Variants in ACAD10 observed in about 807,000 individuals in gnomAD.
ACAD10 encodes the protein ACAD-10.
ACAD10 carries 112 observed loss-of-function variants against 116.8 expected under a neutral mutation model. The ratio of observed to expected loss-of-function variants is 0.96; its 90% CI spans 0.82 to 1.12. The LOEUF (loss-of-function observed/expected upper bound fraction) is 1.12, where lower values mean the gene tolerates loss of function less well. ACAD10 is among the 50% of genes most tolerant of loss of function. The pLI is 0.00. For missense variants in ACAD10, 1,259 were observed against 1,350.2 expected (o/e 0.93, Z 1.06); for synonymous variants, 486 against 510.6 (o/e 0.95, Z 0.65).
In ACAD10 at chr12:111,744,906, T is replaced by C. The variant is rs34486571; in HGVS notation, c.1978T>C (p.Ser660Pro). ...TCTGGTTATCTCTCCAGAGAGCCTC[T>C]CTCCACCTGTCAGAGAGCTGTATCA... ...GGLVISPESL[S>P]PPVRELYHRL... Residue 660 changes from serine to proline, a missense_variant, in exon 13 of 21, where the codon TCT becomes CCT. Transcript: ENST00000313698. 222 of 1,613,980 alleles carry C rather than the reference T, an allele frequency of 1.4e-4. No homozygotes were observed. Among genetic ancestry groups the C allele is most frequent in the Non-Finnish European group, 1.8e-4 (213 of 1,180,036 alleles).
At chr12:111,723,289 T>C (rs1889087128) in intron 8 of ACAD10, among the ~76,000 whole-genome samples, 1 of 118,890 alleles carries the variant, frequency 8.4e-6, no homozygotes. Context: ...GCCCCTCACC[T>C]CCCAGACGGG....
intron 13 of ACAD10, 76 bp downstream of exon 13, chr12:111,745,119 A>G: frequency 1.4e-6 from 2 of 1,480,338 alleles, no homozygotes; most frequent in Non-Finnish European, 1.8e-6. Context: ...GCTCACCTGA[A>G]CCATCCCAGG....
At chr12:111,727,823 G>A in intron 8 of ACAD10, 139 bp from the exon 9 acceptor site, 1 of 791,526 alleles carries the variant, frequency 1.3e-6, no homozygotes, top group Admixed American at 2.5e-5. Flanking sequence ...GAAAAAGGAA[G>A]TATCCAGTGC....
chr12:111,752,572 G>A (rs1301542106), intron 18 of ACAD10, among the ~76,000 whole-genome samples: 1 of 151,956 alleles, frequency 6.6e-6, no homozygotes, highest in Admixed American at 6.6e-5. Flanking sequence ...TCGCGCCACT[G>A]CACTCCAGCC....
At chr12:111,704,259 A>G (rs1888433507) in intron 3 of ACAD10, among the ~76,000 whole-genome samples, 1 of 151,548 alleles carries the variant, frequency 6.6e-6, no homozygotes, top group African/African-American at 2.4e-5. Flanking sequence ...CTCCTGCCTC[A>G]GCCTCCCGAG....
intron 13 of ACAD10, chr12:111,745,411 G>A (rs1889864997): frequency 3.2e-6 from 1 of 309,736 alleles, no homozygotes; most frequent in East Asian, 5.3e-5. Flanking sequence ...CACAGCTAGA[G>A]GGCCAGATCC....
At chr12:111,730,674 C>T (rs1889360345) in intron 10 of ACAD10, among the ~76,000 whole-genome samples, 1 of 152,096 alleles carries the variant, frequency 6.6e-6, no homozygotes, top group Admixed American at 6.6e-5. Flanking sequence ...TTTGGCTTGT[C>T]TTCTTGCCCA....
intron 3 of ACAD10, among the ~76,000 whole-genome samples, chr12:111,704,688 C>CTTTCTTTT (rs554829011): frequency 1.6e-5 from 2 of 126,154 alleles, no homozygotes; most frequent in Admixed American, 8.6e-5. Context: ...TTCTTTCTTT[C>CTTTCTTTT]TTTTTTTTTT....
chr12:111,705,557 T>C (rs1194882753), intron 3 of ACAD10, among the ~76,000 whole-genome samples, 181 bp from the exon 4 acceptor site: 1 of 152,156 alleles, frequency 6.6e-6, no homozygotes, highest in African/African-American at 2.4e-5. Context: ...TTAAAAACCT[T>C]ATATGAGAGT....
rs1889981351 is a variant in ACAD10 at position 111,748,494 on chromosome 12, G to A, written c.2644+19G>A. On this transcript the variant is annotated intron_variant, in intron 17 of 20. Transcript: ENST00000313698. The stretch of plus-strand genomic sequence containing the variant: ...GCACCAGGTGAGACCTCCAGGGGCG[G>A]GTCACCCCTGGGTGTGGGTCTGGTC... 5.0e-6 allele frequency: 8 copies of A among 1,612,040 alleles called. No homozygotes were observed. The East Asian group carries it at 1.8e-4, about 36-fold the overall frequency.
rs1172196860 is a variant in ACAD10, at chr12:111,689,497, G to A, written c.-13-3200G>A. On this transcript the variant is annotated intron_variant, in intron 1 of 20. Coordinates refer to ENST00000313698, the MANE Select transcript of ACAD10 (RefSeq NM_025247.6). ...AGTGATTCTCATGTCCCAGCCTCCCGAGTATCTGGGATTACAGGTGTGCGC... is the reference window on the plus strand; with the variant it reads ...AGTGATTCTCATGTCCCAGCCTCCCAAGTATCTGGGATTACAGGTGTGCGC... Among the ~76,000 whole-genome samples the A allele has an allele frequency of 2.6e-5, 4 of 151,728 alleles. No individual in the cohort carries two copies. The East Asian group carries it at 7.8e-4, about 29-fold the overall frequency.
chr12:111,711,226 A>G (rs955680994), intron 5 of ACAD10, among the ~76,000 whole-genome samples: 2 of 152,184 alleles, frequency 1.3e-5, no homozygotes, highest in Non-Finnish European at 2.9e-5. Context: ...GTTGAGACGG[A>G]GTCTCATTCT....
intron 4 of ACAD10, 133 bp downstream of exon 4, chr12:111,706,065 T>A: frequency 1.1e-6 from 1 of 886,988 alleles, no homozygotes; most frequent in Non-Finnish European, 1.7e-6. Context: ...AAGTTAGGTT[T>A]AAATGCAATA....
chr12:111,739,304 G>T (rs1315610273), intron 12 of ACAD10, among the ~76,000 whole-genome samples: 1 of 152,146 alleles, frequency 6.6e-6, no homozygotes, highest in African/African-American at 2.4e-5. Flanking sequence ...GGGAAACACA[G>T]GGTTCAGAGG....
intron 16 of ACAD10, among the ~76,000 whole-genome samples, 187 bp from the exon 17 acceptor site, chr12:111,748,130 A>C (rs1889968638): frequency 6.6e-6 from 1 of 152,184 alleles, no homozygotes; most frequent in Admixed American, 6.5e-5. Context: ...TTCATTCCTC[A>C]CTGGGACAAA....
chr12:111,741,099 A>G (rs896051721), intron 12 of ACAD10, among the ~76,000 whole-genome samples: 28 of 152,152 alleles, frequency 1.8e-4, no homozygotes, highest in Non-Finnish European at 3.2e-4. Context: ...AACTGTCCGG[A>G]GAAAAACCAG....
chr12:111,694,661 A>AGC (rs1888144608), intron 2 of ACAD10, among the ~76,000 whole-genome samples: 1 of 151,626 alleles, frequency 6.6e-6, no homozygotes, highest in Non-Finnish European at 1.5e-5. Flanking sequence ...TCAGCCTCCT[A>AGC]ACTTCCTCTG....
chr12:111,755,395 C>T (rs1032216462), intron 19 of ACAD10, among the ~76,000 whole-genome samples: 1 of 152,042 alleles, frequency 6.6e-6, no homozygotes, highest in East Asian at 1.9e-4. Context: ...CCTGAACCAC[C>T]GCGCCTGGCC....
At position 111,756,517 on chromosome 12, in the gene ACAD10, G is replaced by A. The variant is rs1289446173; in HGVS notation, c.*44G>A. The A allele has an allele frequency of 1.2e-6, 2 of 1,602,924 alleles. No individual in the cohort carries two copies. Among genetic ancestry groups the A allele is most frequent in the East Asian group, 2.2e-5 (1 of 44,678 alleles). On this transcript the variant is annotated 3_prime_UTR_variant, in exon 21 of 21. Transcript: ENST00000313698. ...GCTCAATGTCCTGGCTGGTCCAGCT[G>A]TGCCCAGATCTGTCACTGATGTGCC...
Sources: allele counts gnomAD v4.1 joint callset (sites outside exome capture counted in the v4.1 genomes callset), GRCh38; gene constraint gnomAD v4.1.1; transcripts MANE v1.5; gene names NCBI Gene and HGNC (gene_info 2026-07-23, HGNC 2026-07-21).